Variants in HS6ST3 observed in about 807,000 individuals in gnomAD.
HS6ST3 encodes the protein heparan-sulfate 6-O-sulfotransferase 3.
HS6ST3 carries 12 observed loss-of-function variants against 36.7 expected under a neutral mutation model. The ratio of observed to expected loss-of-function variants is 0.33; its 90% CI spans 0.21 to 0.53. The LOEUF is 0.53. HS6ST3 is among the 20% of genes least tolerant of loss of function. HS6ST3 has a pLI of 0.95. For synonymous variants in HS6ST3, 240 were observed against 257.5 expected (o/e 0.93, Z 0.65); for missense variants, 584 against 640.9 (o/e 0.91, Z 0.96).
chr13:96,331,665 C>T lies in HS6ST3; in HGVS notation c.707+240096C>T, dbSNP rs946548885. ...CTGTGCCCTGCCCCCAGAGGTGGAG[C>T]CTACAGAGGCAGGCAGGCCTCCTTG... On this transcript the variant is annotated intron_variant, in intron 1 of 1. Transcript: ENST00000376705. Among the ~76,000 whole-genome samples, 3 of 152,202 alleles carry T rather than the reference C, an allele frequency of 2.0e-5. No homozygotes were observed. In the East Asian group the frequency reaches 5.8e-4, roughly 29 times the overall value.
chr13:96,575,866 T>A (rs1160752384), intron 1 of HS6ST3, among the ~76,000 whole-genome samples: 1 of 152,214 alleles, frequency 6.6e-6, no homozygotes, highest in African/African-American at 2.4e-5. Context: ...TGCTAAATGA[T>A]GCACAGAAGT....
rs566942348 is a variant in HS6ST3 at position 96,505,222 on chromosome 13, G to A, written c.708-327268G>A. 1.6e-4 allele frequency among the ~76,000 whole-genome samples: 24 copies of A among 152,234 alleles called. 1 individual carries two copies. Among genetic ancestry groups the A allele is most frequent in the Admixed American group, 5.2e-4 (8 of 15,276 alleles). On this transcript the variant is annotated intron_variant, in intron 1 of 1. Transcript: ENST00000376705. ...AATTCCCAAAAGATAGGCAGGCTGCGGTTTAAATCCATCAAAAACATGCAA... is the reference window on the plus strand; with the variant it reads ...AATTCCCAAAAGATAGGCAGGCTGCAGTTTAAATCCATCAAAAACATGCAA...
At chr13:96,751,549 G>A (rs1219117846) in intron 1 of HS6ST3, among the ~76,000 whole-genome samples, 1 of 152,140 alleles carries the variant, frequency 6.6e-6, no homozygotes, top group Non-Finnish European at 1.5e-5. Flanking sequence ...AAGCCACCAA[G>A]TTTGCAGTAA....
intron 1 of HS6ST3, among the ~76,000 whole-genome samples, chr13:96,253,273 C>T (rs906794534): frequency 1.4e-4 from 21 of 152,080 alleles, no homozygotes; most frequent in African/African-American, 4.1e-4. Context: ...CAGGTGATTC[C>T]GCTGTGCTGA....
At chr13:96,641,766 C>G (rs2056571052) in intron 1 of HS6ST3, among the ~76,000 whole-genome samples, 1 of 151,682 alleles carries the variant, frequency 6.6e-6, no homozygotes, top group Non-Finnish European at 1.5e-5. Flanking sequence ...CACTAGTATG[C>G]AAATATTTGT....
intron 1 of HS6ST3, among the ~76,000 whole-genome samples, chr13:96,296,942 G>A (rs1334818159): frequency 6.6e-6 from 1 of 151,852 alleles, no homozygotes. Context: ...CTAGTTTTGT[G>A]GTCTCTAGTT....
chr13:96,384,091 A>G (rs188274474), intron 1 of HS6ST3, among the ~76,000 whole-genome samples: 35 of 152,266 alleles, frequency 2.3e-4, no homozygotes, highest in Admixed American at 1.7e-3. Context: ...GCAAACCAGG[A>G]AAAGTGAAGG....
At chr13:96,785,436 G>A (rs892598170) in intron 1 of HS6ST3, among the ~76,000 whole-genome samples, 45 of 152,180 alleles carry the variant, frequency 3.0e-4, no homozygotes, top group African/African-American at 1.0e-3. Context: ...ACTGAACTAT[G>A]TGAAATTGGT....
At chr13:96,504,334 T>TGG (rs1594795631) in intron 1 of HS6ST3, among the ~76,000 whole-genome samples, 2 of 152,132 alleles carry the variant, frequency 1.3e-5, no homozygotes, top group East Asian at 3.9e-4. Context: ...GCCTCCCTAG[T>TGG]GGCCAGTGGT....
At chr13:96,697,758 T>C (rs1053696480) in intron 1 of HS6ST3, among the ~76,000 whole-genome samples, 3 of 152,194 alleles carry the variant, frequency 2.0e-5, no homozygotes, top group Non-Finnish European at 4.4e-5. Context: ...ATTTCCTAAC[T>C]TTGCCAAAGT....
intron 1 of HS6ST3, among the ~76,000 whole-genome samples, chr13:96,200,486 A>C (rs9302094): frequency 0.39 from 59,339 of 151,842 alleles, 12,054 homozygotes; most frequent in Non-Finnish European, 0.46. Context: ...CCAATATTGC[A>C]CTCTTATAAA....
At chr13:96,648,901 T>C (rs1300582948) in intron 1 of HS6ST3, among the ~76,000 whole-genome samples, 3 of 152,124 alleles carry the variant, frequency 2.0e-5, no homozygotes, top group African/African-American at 7.2e-5. Flanking sequence ...CAGTCTATCA[T>C]TGATGAGCAT....
At chr13:96,763,205 C>T (rs1877011580) in intron 1 of HS6ST3, among the ~76,000 whole-genome samples, 1 of 151,290 alleles carries the variant, frequency 6.6e-6, no homozygotes, top group African/African-American at 2.4e-5. Context: ...GTTTTTTAAA[C>T]ATCAGACATA....
chr13:96,579,186 T>G (rs1319574014), intron 1 of HS6ST3, among the ~76,000 whole-genome samples: 4 of 152,304 alleles, frequency 2.6e-5, no homozygotes, highest in Admixed American at 2.6e-4. Context: ...GTTTTAATTT[T>G]AATATTTTGT....
At chr13:96,577,477 G>T (rs1566401898) in intron 1 of HS6ST3, among the ~76,000 whole-genome samples, 3 of 152,190 alleles carry the variant, frequency 2.0e-5, no homozygotes, top group Non-Finnish European at 4.4e-5. Context: ...ATAAACATAT[G>T]TGTGCATGTG....
At chr13:96,596,505 G>A (rs1348306330) in intron 1 of HS6ST3, among the ~76,000 whole-genome samples, 2 of 152,036 alleles carry the variant, frequency 1.3e-5, no homozygotes, top group African/African-American at 4.8e-5. Context: ...ATCAAATGGT[G>A]TATCTATTTT....
intron 1 of HS6ST3, among the ~76,000 whole-genome samples, chr13:96,150,330 A>G (rs1020981194): frequency 2.0e-5 from 3 of 151,882 alleles, no homozygotes; most frequent in African/African-American, 4.8e-5. Context: ...TTCAGAGTGA[A>G]CCAATCATTA....
intron 1 of HS6ST3, among the ~76,000 whole-genome samples, chr13:96,398,511 C>T (rs2139455989): frequency 6.6e-6 from 1 of 152,300 alleles, no homozygotes; most frequent in East Asian, 1.9e-4. Flanking sequence ...CTCCTGACCT[C>T]AAGTGACTCC....
intron 1 of HS6ST3, among the ~76,000 whole-genome samples, chr13:96,229,261 A>G (rs1309561127): frequency 6.6e-6 from 1 of 152,138 alleles, no homozygotes; most frequent in Admixed American, 6.6e-5. Flanking sequence ...TCATTCCTCC[A>G]TGTACATTTG....
Sources: gnomAD v4.1 joint callset for allele counts (sites outside exome capture counted in the v4.1 genomes callset) on GRCh38, gnomAD v4.1.1 for gene constraint, MANE v1.5 for transcripts, NCBI Gene and HGNC (gene_info 2026-07-23, HGNC 2026-07-21) for gene names.